PAK3: variants seen among roughly 807,000 people sequenced by gnomAD.
The protein encoded by PAK3 is p21 (RAC1) activated kinase 3, also known as serine/threonine-protein kinase PAK 3.
PAK3 carries 4 observed loss-of-function variants against 41.0 expected under a neutral mutation model. The observed-to-expected ratio is 0.10, with a 90% confidence interval of 0.05 to 0.22. The LOEUF is 0.22. PAK3 is among the 10% of genes least tolerant of loss of function. The probability of loss-of-function intolerance (pLI) is 1.00; values close to 1 mark genes in which losing one functional copy is unlikely to be tolerated. For synonymous variants in PAK3, 146 were observed against 139.6 expected (o/e 1.05, Z -0.32); for missense variants, 205 against 409.9 (o/e 0.50, Z 4.32).
At chrX:111,036,038 G>A (rs1347828428) in intron 1 of PAK3, among the ~76,000 whole-genome samples, 1 of 112,309 alleles carries the variant, frequency 8.9e-6, no homozygotes, top group African/African-American at 3.2e-5. Flanking sequence ...GTAAAATGTG[G>A]ACCTTGGGCT....
Position 111,226,815 on chromosome X carries a change from C to A in PAK3, c.*6368C>A, listed in dbSNP as rs2094955349. On this transcript the variant is annotated 3_prime_UTR_variant, in exon 18 of 18. Transcript: ENST00000372007. ...GCTTGTGTGTGGTGTGCTTTATGGA[C>A]CCGCAAATACCATATTCATTATTGA... The A allele has an allele frequency of 9.0e-6, 1 of 111,361 alleles. No homozygotes were observed. The highest frequency in any genetic ancestry group is 3.8e-4 in the South Asian group (1 of 2,663). The allele number at this position is 111,361 out of a possible 1,213,427, so 9.2% of individuals were successfully genotyped here. A position where few individuals can be genotyped will look rare whatever the true frequency, so the allele number is the denominator to read the frequency against.
intron 1 of PAK3, among the ~76,000 whole-genome samples, chrX:111,084,848 C>T (rs2092866834): frequency 8.9e-6 from 1 of 111,854 alleles, no homozygotes; most frequent in African/African-American, 3.3e-5. Context: ...CATTTTAGTG[C>T]CTTCCTTTTT....
chrX:111,173,558 G>A (rs2094371580), intron 11 of PAK3, among the ~76,000 whole-genome samples: 1 of 111,048 alleles, frequency 9.0e-6, no homozygotes, highest in Non-Finnish European at 1.9e-5. Context: ...TCTGAGTATG[G>A]AGGAAACAGA....
At chrX:110,962,965 G>A (rs896066470) in intron 1 of PAK3, among the ~76,000 whole-genome samples, 2 of 111,695 alleles carry the variant, frequency 1.8e-5, no homozygotes, top group African/African-American at 6.5e-5. Flanking sequence ...ACAGCTTGAT[G>A]TGACCTTTTG....
intron 1 of PAK3, among the ~76,000 whole-genome samples, chrX:110,961,893 C>T (rs1396163551): frequency 8.9e-6 from 1 of 112,252 alleles, no homozygotes; most frequent in African/African-American, 3.2e-5. Context: ...TAATTTTATA[C>T]TGCCTGTCTT....
At chrX:111,041,549 GCCTT>G (rs1406607762) in intron 1 of PAK3, among the ~76,000 whole-genome samples, 5 of 111,483 alleles carry the variant, frequency 4.5e-5, no homozygotes, top group African/African-American at 1.6e-4. Context: ...GGCATTTGTG[GCCTT>G]CCACAGACTC....
At chrX:110,945,630 T>C (rs913353881) in intron 1 of PAK3, among the ~76,000 whole-genome samples, 8 of 112,148 alleles carry the variant, frequency 7.1e-5, no homozygotes, top group African/African-American at 2.6e-4. Flanking sequence ...TCTTACTTAC[T>C]ACAGTGAAGT....
chrX:111,019,668 T>G (rs2092144705), intron 1 of PAK3, among the ~76,000 whole-genome samples: 1 of 75,157 alleles, frequency 1.3e-5, no homozygotes, highest in Non-Finnish European at 2.3e-5. Context: ...CCAGCTTGGG[T>G]GACAGAGTGA....
At chrX:111,116,305 T>G (rs2093462443) in intron 4 of PAK3, among the ~76,000 whole-genome samples, 1 of 111,961 alleles carries the variant, frequency 8.9e-6, no homozygotes, top group African/African-American at 3.2e-5. Context: ...CTTAAAATAT[T>G]TCTACCTCTA....
intron 1 of PAK3, among the ~76,000 whole-genome samples, chrX:111,044,201 T>C (rs895646179): frequency 8.9e-6 from 1 of 111,954 alleles, no homozygotes; most frequent in Non-Finnish European, 1.9e-5. Flanking sequence ...TGAAGTTACT[T>C]GCCCAGAGCC....
rs776268909 is a variant in PAK3, at chrX:111,161,762, G to T, written c.469-1153G>T. On this transcript the variant is annotated intron_variant, in intron 8 of 17. Coordinates refer to ENST00000372007, the MANE Select transcript of PAK3 (RefSeq NM_002578.5). ...TGCTTGTTTTTGTCAGTTTGTCAAA[G>T]ATCAGATGGTTGTAGATATGTGGCA... Among the ~76,000 whole-genome samples the T allele has an allele frequency of 9.9e-5, 11 of 111,273 alleles. No individual in the cohort carries two copies. In the East Asian group the frequency reaches 2.0e-3, roughly 20 times the overall value.
intron 1 of PAK3, among the ~76,000 whole-genome samples, chrX:110,990,921 A>C (rs186214475): frequency 1.6e-3 from 172 of 110,963 alleles, no homozygotes; most frequent in African/African-American, 5.3e-3. Flanking sequence ...TGAGCCCAGG[A>C]GTTCGAGACC....
chrX:111,145,763 TG>T (rs1455939760), intron 6 of PAK3, among the ~76,000 whole-genome samples: 1 of 112,190 alleles, frequency 8.9e-6, no homozygotes, highest in African/African-American at 3.2e-5. Context: ...TAGGCAAAGC[TG>T]TTACCTTATA....
In PAK3 at chrX:110,988,094, A is replaced by T. The variant is rs184387924; in HGVS notation, c.-28+43466A>T. On this transcript the variant is annotated intron_variant, in intron 1 of 14. Coordinates refer to the PAK3 transcript ENST00000425146. ...CATCTGTGTGCTGAGAATAACTGTG[A>T]TTCCTTAATGTCAGTGCACAGCTAG... 4.4e-5 allele frequency among the ~76,000 whole-genome samples: 5 copies of T among 112,975 alleles called. No individual in the cohort carries two copies. In the East Asian group the frequency reaches 1.1e-3, roughly 25 times the overall value.
At chrX:111,087,887 T>C (rs1162260195) in intron 1 of PAK3, among the ~76,000 whole-genome samples, 1 of 108,458 alleles carries the variant, frequency 9.2e-6, no homozygotes, top group Non-Finnish European at 1.9e-5. Flanking sequence ...CCCATTCCAC[T>C]TCCTGGCCTT....
intron 1 of PAK3, among the ~76,000 whole-genome samples, chrX:111,051,726 A>G (rs1842510986): frequency 9.1e-6 from 1 of 109,356 alleles, no homozygotes; most frequent in Admixed American, 9.8e-5. Flanking sequence ...TGTGTAAGCA[A>G]TCAGAACTGC....
intron 1 of PAK3, among the ~76,000 whole-genome samples, chrX:111,009,232 A>C (rs1042244351): frequency 9.1e-6 from 1 of 109,774 alleles, no homozygotes; most frequent in Non-Finnish European, 1.9e-5. Flanking sequence ...TCACATCCCC[A>C]CTTTGTTTCT....
chrX:110,998,519 G>A (rs1196922541), intron 1 of PAK3, among the ~76,000 whole-genome samples: 6 of 112,361 alleles, frequency 5.3e-5, no homozygotes, highest in Non-Finnish European at 1.1e-4. Context: ...ACAATTTGGA[G>A]ATTATAAGTA....
chrX:111,220,432 G>A lies in PAK3; in HGVS notation c.1620G>A (p.Lys540=). 1 of 1,183,805 alleles carries A rather than the reference G, an allele frequency of 8.4e-7. No individual in the cohort carries two copies. The highest frequency in any genetic ancestry group is 1.1e-6 in the Non-Finnish European group (1 of 871,417). The change falls in exon 18 of 18, where the codon AAG becomes AAA. Residue 540 remains lysine (K), a synonymous_variant. Coordinates refer to ENST00000372007, the MANE Select transcript of PAK3 (RefSeq NM_002578.5). ...TTATCGCTGCAAAGGAAGCAATTAA[G>A]AACAGCAGCCGCTAAGACTGCAAGC... The part of the protein sequence containing the change: ...PLIIAAKEAI[K]NSSR
Sources: allele counts gnomAD v4.1 joint callset (sites outside exome capture counted in the v4.1 genomes callset), GRCh38; gene constraint gnomAD v4.1.1; transcripts MANE v1.5; gene names NCBI Gene and HGNC (gene_info 2026-07-23, HGNC 2026-07-21).